Variants in CAST observed in about 807,000 individuals in gnomAD.
The protein encoded by CAST is MIR583 host.
In CAST, 76 loss-of-function variants were observed where a neutral mutation model predicts 119.6. The observed-to-expected ratio is 0.64, with a 90% CI of 0.53 to 0.77. The LOEUF is 0.77. CAST is among the 30% of genes least tolerant of loss of function. CAST has a pLI of 0.00. For synonymous variants in CAST, 319 were observed against 331.6 expected (o/e 0.96, Z 0.41); for missense variants, 953 against 946.5 (o/e 1.01, Z -0.09).
chr5:96,706,795 T>C (rs978421918), intron 3 of CAST, among the ~76,000 whole-genome samples: 10 of 152,222 alleles, frequency 6.6e-5, no homozygotes, highest in Admixed American at 6.5e-5. Flanking sequence ...GAGTTCTGGT[T>C]AATTCTAGGA....
chr5:96,635,889 ATTC>A (rs1207195532), intron 1 of CAST, among the ~76,000 whole-genome samples: 1 of 152,184 alleles, frequency 6.6e-6, no homozygotes, highest in Non-Finnish European at 1.5e-5. Flanking sequence ...CCTATCATCA[ATTC>A]TTCTTCCCTA....
chr5:96,679,797 A>C (rs1017059561), intron 2 of CAST, among the ~76,000 whole-genome samples: 1 of 148,912 alleles, frequency 6.7e-6, no homozygotes, highest in Non-Finnish European at 1.5e-5. Flanking sequence ...TGACTCAAAC[A>C]TTTTTTTTTT....
In CAST at chr5:96,730,792, G is replaced by A. The variant is rs1454975494; in HGVS notation, c.562G>A (p.Asp188Asn). 8 of 1,613,626 alleles carry A rather than the reference G, an allele frequency of 5.0e-6. No homozygotes were observed. Among genetic ancestry groups the A allele is most frequent in the Non-Finnish European group, 6.8e-6 (8 of 1,179,652 alleles). Reference protein sequence around the residue: ...KSTEPKTKPQDMISAGGESVA... With the variant: ...KSTEPKTKPQNMISAGGESVA... ...CTCACTGTCTTAGACTAAACCACAAGACATGATTTCTGCTGGTGGAGAGAG... is the reference window on the plus strand; with the variant it reads ...CTCACTGTCTTAGACTAAACCACAAAACATGATTTCTGCTGGTGGAGAGAG... Residue 188 changes from aspartate to asparagine, a missense_variant, in exon 9 of 32, where the codon GAC becomes AAC. Transcript: ENST00000675179.
At chr5:96,003,296 T>C in the CAST span, among the ~76,000 whole-genome samples, 1 of 151,910 alleles carries the variant, frequency 6.6e-6, no homozygotes, top group Non-Finnish European at 1.5e-5. Context: ...TCCAGCACTT[T>C]GGGAGGCCGA....
the CAST span, among the ~76,000 whole-genome samples, chr5:96,235,979 G>A: frequency 1.3e-5 from 2 of 152,208 alleles, no homozygotes. Flanking sequence ...AGAAAATGCT[G>A]TAAAGATCAA....
intron 1 of CAST, among the ~76,000 whole-genome samples, chr5:96,645,115 C>T: frequency 6.6e-6 from 1 of 152,222 alleles, no homozygotes; most frequent in South Asian, 2.1e-4. Context: ...TTCGACTCCT[C>T]TGGGGCCTGT....
chr5:96,516,015 T>C, the CAST span, among the ~76,000 whole-genome samples: 56 of 30,444 alleles, frequency 1.8e-3, no homozygotes, highest in Non-Finnish European at 3.9e-3. Flanking sequence ...CTTATAGCCC[T>C]TGACCACAAA....
At chr5:96,392,238 A>C in the CAST span, 2 of 148,780 alleles carry the variant, frequency 1.3e-5, no homozygotes, top group African/African-American at 5.0e-5. Flanking sequence ...TGGCTGAGAA[A>C]GGAGACAGGT....
intron 29 of CAST, chr5:96,770,264 A>G: frequency 4.7e-6 from 2 of 423,264 alleles, no homozygotes; most frequent in Non-Finnish European, 8.8e-6. Context: ...GATTAGCAAA[A>G]TAAGGTCTGG....
At chr5:96,003,926 G>A in the CAST span, among the ~76,000 whole-genome samples, 1 of 152,176 alleles carries the variant, frequency 6.6e-6, no homozygotes, top group African/African-American at 2.4e-5. Flanking sequence ...GTTTTAAATA[G>A]CAAGTCCAAA....
At chr5:96,316,513 T>C in the CAST span, among the ~76,000 whole-genome samples, 1 of 152,194 alleles carries the variant, frequency 6.6e-6, no homozygotes, top group South Asian at 2.1e-4. Context: ...AATGTTACCA[T>C]GGGAAGCACG....
At chr5:96,539,386 A>G (rs1745875149) in intron 1 of CAST, among the ~76,000 whole-genome samples, 1 of 152,200 alleles carries the variant, frequency 6.6e-6, no homozygotes, top group East Asian at 1.9e-4. Flanking sequence ...TATTTTGTGA[A>G]GTGACAGTTT....
the CAST span, among the ~76,000 whole-genome samples, chr5:96,519,898 C>T: frequency 2.0e-5 from 3 of 152,230 alleles, no homozygotes; most frequent in Non-Finnish European, 2.9e-5. Flanking sequence ...TGAGCCACTG[C>T]ACCTGGCCTT....
At chr5:96,338,418 T>C in the CAST span, among the ~76,000 whole-genome samples, 12 of 152,330 alleles carry the variant, frequency 7.9e-5, no homozygotes, top group South Asian at 2.5e-3. Context: ...TCCTTGTTTA[T>C]GGTATTATTA....
At chr5:96,608,084 C>T (rs1413007325) in intron 1 of CAST, among the ~76,000 whole-genome samples, 1 of 152,054 alleles carries the variant, frequency 6.6e-6, no homozygotes, top group Admixed American at 6.5e-5. Context: ...AATTGTGTAC[C>T]CTTCGACCAA....
the CAST span, among the ~76,000 whole-genome samples, chr5:96,323,179 G>A: frequency 6.6e-6 from 1 of 152,168 alleles, no homozygotes; most frequent in Non-Finnish European, 1.5e-5. Flanking sequence ...AGAAGTGGGA[G>A]GTAAATTGAG....
chr5:96,709,358 T>C (rs1033743959), intron 3 of CAST, among the ~76,000 whole-genome samples: 1 of 152,246 alleles, frequency 6.6e-6, no homozygotes, highest in African/African-American at 2.4e-5. Flanking sequence ...TCCCAACTGT[T>C]ATATCTGTTT....
chr5:96,004,701 AT>A, the CAST span, among the ~76,000 whole-genome samples: 15 of 152,234 alleles, frequency 9.9e-5, no homozygotes, highest in South Asian at 2.1e-4. Flanking sequence ...CACTAAAAAA[AT>A]ATTACCTCAA....
chr5:96,695,922 G>T lies in CAST; in HGVS notation c.210+15G>T. ...CGGCCACCAAGGTCAGTGATTTCCT[G>T]AACACGAAAAGACCCCTACTGTATT... On this transcript the variant is annotated intron_variant, in intron 3 of 31. Transcript: ENST00000675179. The T allele has an allele frequency of 6.3e-7, 1 of 1,599,714 alleles. No homozygotes were observed. Among genetic ancestry groups the T allele is most frequent in the South Asian group, 1.1e-5 (1 of 89,942 alleles).
Sources: gnomAD v4.1 joint callset for allele counts (sites outside exome capture counted in the v4.1 genomes callset) on GRCh38, gnomAD v4.1.1 for gene constraint, MANE v1.5 for transcripts, NCBI Gene and HGNC (gene_info 2026-07-23, HGNC 2026-07-21) for gene names.